Variants in BRINP1 observed in about 807,000 individuals in gnomAD.
BRINP1 encodes BMP/retinoic acid-inducible neural-specific protein 1.
A neutral mutation model predicts 72.9 loss-of-function variants in BRINP1; 17 were observed. The observed-to-expected ratio is 0.23, with a 90% CI of 0.16 to 0.35. The LOEUF (loss-of-function observed/expected upper bound fraction) is 0.35. Among genes scored for constraint, BRINP1 ranks in the 10% least tolerant of loss-of-function variants. The probability of loss-of-function intolerance (pLI) is 1.00; values close to 1 mark genes in which losing one functional copy is unlikely to be tolerated. For synonymous variants in BRINP1, 418 were observed against 378.5 expected (o/e 1.10, Z -1.21); for missense variants, 850 against 1,001.6 (o/e 0.85, Z 2.04).
rs765561306 is a variant in BRINP1, at chr9:119,167,764, C to T, written c.1606G>A (p.Asp536Asn). The change falls in exon 8 of 8, where the codon GAC becomes AAC. Residue 536 changes from aspartate to asparagine, a missense_variant. Coordinates refer to ENST00000265922, the MANE Select transcript of BRINP1 (RefSeq NM_014618.3). This position sits in a 1 kb window ranked among gnomAD's most constrained non-coding sequence, Gnocchi z 4.3. ...LTLKSNKNRM[D>N]FIHMVIGMSM... ...ATGCCGATCACCATGTGGATGAAGTCCATGCGGTTCTTGTTGCTCTTGAGA... is the reference window on the plus strand; with the variant it reads ...ATGCCGATCACCATGTGGATGAAGTTCATGCGGTTCTTGTTGCTCTTGAGA... The T allele has an allele frequency of 3.1e-6, 5 of 1,614,074 alleles. No individual in the cohort carries two copies. In the African/African-American group the frequency reaches 6.7e-5, roughly 22 times the overall value.
At chr9:119,322,433 T>C (rs1831198246) in intron 1 of BRINP1, among the ~76,000 whole-genome samples, 1 of 152,204 alleles carries the variant, frequency 6.6e-6, no homozygotes, top group Non-Finnish European at 1.5e-5. Flanking sequence ...CCACACAGAA[T>C]GCATTCTCTA....
chr9:119,310,543 G>A (rs1386143972), intron 2 of BRINP1, among the ~76,000 whole-genome samples: 1 of 152,150 alleles, frequency 6.6e-6, no homozygotes, highest in African/African-American at 2.4e-5. Context: ...CCTTAACCTA[G>A]TTAAATAAGG....
intron 7 of BRINP1, among the ~76,000 whole-genome samples, chr9:119,203,667 C>T (rs561757874): frequency 2.4e-4 from 36 of 152,222 alleles, no homozygotes; most frequent in Admixed American, 1.2e-3. Flanking sequence ...ACAATGTAAC[C>T]GGGTGACGAA....
chr9:119,304,121 C>T (rs1214552606), intron 2 of BRINP1, among the ~76,000 whole-genome samples: 1 of 152,122 alleles, frequency 6.6e-6, no homozygotes, highest in Non-Finnish European at 1.5e-5. Context: ...CTCAAGTGAT[C>T]TGCCCACCTT....
At chr9:119,309,614 T>C (rs1831040589) in intron 2 of BRINP1, among the ~76,000 whole-genome samples, 1 of 152,204 alleles carries the variant, frequency 6.6e-6, no homozygotes, top group Non-Finnish European at 1.5e-5. Context: ...AACTTACATT[T>C]TACAAGGCAC....
rs1358248605 is a variant in BRINP1, at chr9:119,167,277, T to G, written c.2093A>C (p.Asp698Ala). The part of the protein sequence containing the change: ...SSSSVMLLLL[D>A]IRDRINRLAP... ...CAGGCGATTAATTCGGTCCCGAATATCCAACAAGAGGAGCATCACTGACGA... is the reference window on the plus strand; with the variant it reads ...CAGGCGATTAATTCGGTCCCGAATAGCCAACAAGAGGAGCATCACTGACGA... The change falls in exon 8 of 8, where the codon GAT becomes GCT. Residue 698 changes from aspartate (D) to alanine (A), a missense_variant. Transcript: ENST00000265922. This position sits in a 1 kb window ranked among gnomAD's most constrained non-coding sequence, Gnocchi z 4.3. 1 of 1,614,142 alleles carries G rather than the reference T, an allele frequency of 6.2e-7. No homozygotes were observed. Among genetic ancestry groups the G allele is most frequent in the Non-Finnish European group, 8.5e-7 (1 of 1,180,036 alleles).
intron 7 of BRINP1, among the ~76,000 whole-genome samples, chr9:119,180,582 G>A (rs962050880): frequency 4.6e-5 from 7 of 151,812 alleles, no homozygotes; most frequent in South Asian, 2.1e-4. Context: ...TTGAGATTCC[G>A]CTGAAAACAG....
intron 5 of BRINP1, among the ~76,000 whole-genome samples, chr9:119,220,222 G>C (rs531034115): frequency 6.6e-6 from 1 of 152,106 alleles, no homozygotes; most frequent in Non-Finnish European, 1.5e-5. Context: ...CTGTGTTATT[G>C]AGTTTCAACC....
chr9:119,228,037 T>C (rs1169839262), intron 5 of BRINP1, among the ~76,000 whole-genome samples: 1 of 152,064 alleles, frequency 6.6e-6, no homozygotes, highest in Non-Finnish European at 1.5e-5. Flanking sequence ...TCATCTTCGC[T>C]CCATCTGTGA....
At chr9:119,238,558 A>G in intron 5 of BRINP1, 97 bp downstream of exon 5, 1 of 662,864 alleles carries the variant, frequency 1.5e-6, no homozygotes, top group Non-Finnish European at 2.5e-6. Flanking sequence ...CCTCTTCTTT[A>G]TTCTCCCTTC....
intron 2 of BRINP1, among the ~76,000 whole-genome samples, chr9:119,257,203 T>C (rs1437744908): frequency 6.6e-6 from 1 of 152,208 alleles, no homozygotes; most frequent in African/African-American, 2.4e-5. Context: ...ATTCCCTCAA[T>C]GCTACAATAA....
Position 119,208,682 on chromosome 9 carries a change from A to T in BRINP1, c.1145+37T>A, listed in dbSNP as rs769693974. 97 of 1,580,596 alleles carry T rather than the reference A, an allele frequency of 6.1e-5. 1 individual carries two copies. Among genetic ancestry groups the T allele is most frequent in the Non-Finnish European group, 8.3e-5 (96 of 1,151,380 alleles). On this transcript the variant is annotated intron_variant, in intron 7 of 7. Transcript: ENST00000265922. The stretch of plus-strand genomic sequence containing the variant: ...CAAGATAATGTAGCTAACGCCAGGT[A>T]GGTGCCTGCAGAGGTGGAGGTGGTG...
chr9:119,186,660 C>T (rs1367897029), intron 7 of BRINP1, among the ~76,000 whole-genome samples: 1 of 152,186 alleles, frequency 6.6e-6, no homozygotes, highest in Admixed American at 6.5e-5. Flanking sequence ...TCTGTATCAC[C>T]TTGTCCACTA....
chr9:119,343,079 C>A (rs950232127), intron 1 of BRINP1, among the ~76,000 whole-genome samples: 18 of 152,172 alleles, frequency 1.2e-4, no homozygotes, highest in African/African-American at 4.1e-4. Context: ...AGGAAGCATG[C>A]ACTATAATGC....
intron 2 of BRINP1, among the ~76,000 whole-genome samples, chr9:119,267,116 A>G (rs865891119): frequency 6.6e-6 from 1 of 152,242 alleles, no homozygotes; most frequent in African/African-American, 2.4e-5. Flanking sequence ...TTGACACATA[A>G]TAATTGTACA....
At chr9:119,170,230 TA>T (rs1008775083) in intron 7 of BRINP1, among the ~76,000 whole-genome samples, 10 of 151,458 alleles carry the variant, frequency 6.6e-5, no homozygotes, top group African/African-American at 2.2e-4. Flanking sequence ...TTGAAAACTT[TA>T]AAAAAAATTT....
chr9:119,167,664 C>A lies in BRINP1; in HGVS notation c.1706G>T (p.Gly569Val). Residue 569 changes from glycine (G) to valine (V), a missense_variant, in exon 8 of 8, where the codon GGG becomes GTG. By Grantham distance (109) the Gly-to-Val change is moderately radical. Transcript: ENST00000265922. The surrounding 1 kb of genome is among the most constrained non-coding windows in gnomAD (Gnocchi z 4.3). ...MFFVYVNPFS[G>V]SHSEGWNMPF... is the part of the protein sequence containing the mutation. ...CATGTTCCAGCCCTCCGAATGGCTC[C>A]CGCTAAAGGGGTTGACATAGACAAA... is the stretch of plus-strand genomic sequence containing the variant. 6.2e-7 allele frequency: 1 copy of A among 1,614,112 alleles called. No individual in the cohort carries two copies. Among genetic ancestry groups the A allele is most frequent in the Non-Finnish European group, 8.5e-7 (1 of 1,180,032 alleles).
Position 119,208,781 on chromosome 9 carries a change from G to A in BRINP1, c.1083C>T (p.Arg361=), listed in dbSNP as rs575284667. 1.9e-6 allele frequency: 3 copies of A among 1,614,114 alleles called. No individual in the cohort carries two copies. In the African/African-American group the frequency reaches 4.0e-5, roughly 22 times the overall value. Residue 361 remains arginine, a synonymous_variant, in exon 7 of 8, where the codon CGC becomes CGT. Transcript: ENST00000265922. ...AQRQKIQRTA[R]KLFGLSVRCR... is the part of the protein sequence containing the mutation. Reference sequence around the variant, plus strand: ...AGCGTACACTGAGGCCGAAAAGCTTGCGGGCAGTGCGTTGGATCTTTTGTC... The same window carrying A: ...AGCGTACACTGAGGCCGAAAAGCTTACGGGCAGTGCGTTGGATCTTTTGTC...
chr9:119,242,008 A>G, intron 4 of BRINP1, 39 bp downstream of exon 4: 1 of 1,599,334 alleles, frequency 6.3e-7, no homozygotes, highest in East Asian at 2.2e-5. Context: ...GTGTTGTTGT[A>G]TTGAGAACCT....
Sources: gnomAD v4.1 joint callset for allele counts (sites outside exome capture counted in the v4.1 genomes callset) on GRCh38, gnomAD v4.1.1 for gene constraint, Gnocchi (gnomAD v3.1) non-coding constraint, MANE v1.5 for transcripts, NCBI Gene and HGNC (gene_info 2026-07-23, HGNC 2026-07-21) for gene names.